Variants in WEE1 observed in about 807,000 individuals in gnomAD.
The protein encoded by WEE1 is WEE1 G2 checkpoint kinase, also known as wee1-like protein kinase.
A neutral mutation model predicts 68.8 loss-of-function variants in WEE1; 16 were observed. The observed-to-expected ratio is 0.23, with a 90% CI of 0.16 to 0.35. The LOEUF (loss-of-function observed/expected upper bound fraction) is 0.35. Ranked by LOEUF, WEE1 falls within the 10% of genes least tolerant of loss-of-function variation. The pLI is 1.00. For missense variants in WEE1, 651 were observed against 824.1 expected, an observed-to-expected ratio of 0.79 and a Z score of 2.57; for synonymous variants, 349 against 318.7, an observed-to-expected ratio of 1.09 and a Z score of -1.01.
chr11:9,580,574 C>T (rs916760280), intron 5 of WEE1: 30 of 150,830 alleles, frequency 2.0e-4, no homozygotes, highest in African/African-American at 7.3e-4. Context: ...AGCAATTCTC[C>T]TGCCTTCTGA....
intron 10 of WEE1, among the ~76,000 whole-genome samples, chr11:9,587,886 A>G (rs183705475): frequency 6.6e-6 from 1 of 152,308 alleles, no homozygotes; most frequent in African/African-American, 2.4e-5. Context: ...GTTCATACAA[A>G]TAGGAAATAA....
intron 6 of WEE1, among the ~76,000 whole-genome samples, chr11:9,582,296 T>C (rs1849636995): frequency 6.6e-6 from 1 of 152,242 alleles, no homozygotes; most frequent in Non-Finnish European, 1.5e-5. Context: ...TATACACTTA[T>C]CTTGCAAGCT....
Position 9,574,625 on chromosome 11 carries a change from G to T in WEE1, c.576+116G>T. ...GGCCGCTCCCCCCTCGCTTTCCTGC[G>T]CCGCCCCCCAAAGTTGGCAGCCCTT... On this transcript the variant is annotated intron_variant, in intron 1 of 10. Transcript: ENST00000450114. This position sits in a 1 kb window ranked among gnomAD's most constrained non-coding sequence, Gnocchi z 4.9. 1 of 1,118,532 alleles carries T rather than the reference G, an allele frequency of 8.9e-7. No homozygotes were observed. The highest frequency in any genetic ancestry group is 1.1e-6 in the Non-Finnish European group (1 of 916,610). The allele number at this position is 1,118,532 out of a possible 1,614,324, so 69.3% of individuals were successfully genotyped here.
chr11:9,583,794 C>T (rs1336029023), intron 6 of WEE1, among the ~76,000 whole-genome samples: 3 of 27,574 alleles, frequency 1.1e-4, no homozygotes, highest in African/African-American at 4.3e-4. Flanking sequence ...CACACACACA[C>T]ACACACACAT....
rs1024644076 is a variant in WEE1 at position 9,589,664 on chromosome 11, A to G, written c.*1062A>G. The stretch of plus-strand genomic sequence containing the variant: ...AAAAAAATTGTCTGTTTGTTTTCTC[A>G]TTAATTTTGGTCTAAAACATGTTTG... On this transcript the variant is annotated 3_prime_UTR_variant, in exon 11 of 11. Transcript: ENST00000450114. 1 of 985,630 alleles carries G rather than the reference A, an allele frequency of 1.0e-6. No homozygotes were observed. The highest frequency in any genetic ancestry group is 1.2e-6 in the Non-Finnish European group (1 of 829,750). The allele number at this position is 985,630 out of a possible 1,614,324, so 61.1% of individuals were successfully genotyped here.
chr11:9,581,396 G>A, intron 5 of WEE1, 136 bp from the exon 6 acceptor site: 1 of 727,386 alleles, frequency 1.4e-6, no homozygotes, highest in Non-Finnish European at 2.2e-6. Context: ...GATTTCACAA[G>A]CAGGTTGAAG....
intron 5 of WEE1, chr11:9,577,517 T>C: frequency 2.4e-6 from 1 of 423,262 alleles, no homozygotes; most frequent in East Asian, 4.8e-5. Flanking sequence ...GACAAGACTA[T>C]GGCCTCGACA....
In WEE1 at chr11:9,574,638, G is replaced by A; in HGVS notation, c.576+129G>A. The A allele has an allele frequency of 9.0e-7, 1 of 1,116,938 alleles. No individual in the cohort carries two copies. Among genetic ancestry groups the A allele is most frequent in the Non-Finnish European group, 1.1e-6 (1 of 915,826 alleles). The allele number at this position is 1,116,938 out of a possible 1,614,324, so 69.2% of individuals were successfully genotyped here. ...TCGCTTTCCTGCGCCGCCCCCCAAA[G>A]TTGGCAGCCCTTGTGTTTGGCCCTG... On this transcript the variant is annotated intron_variant, in intron 1 of 10. Coordinates refer to ENST00000450114, the MANE Select transcript of WEE1 (RefSeq NM_003390.4). This position sits in a 1 kb window ranked among gnomAD's most constrained non-coding sequence, Gnocchi z 4.9.
chr11:9,574,312 T>G lies in WEE1; in HGVS notation c.379T>G (p.Ser127Ala). The change falls in exon 1 of 11, where the codon TCG (serine) becomes GCG (alanine). Residue 127 changes from serine (S) to alanine (A), a missense_variant. By Grantham distance (99) the Ser-to-Ala change is moderately conservative. Transcript: ENST00000450114. The surrounding 1 kb of genome is among the most constrained non-coding windows in gnomAD (Gnocchi z 4.9). ...EGFGSSSPVK[S>A]PAAPYFLGSS... The stretch of plus-strand genomic sequence containing the variant: ...CTTCGGCTCCTCGTCGCCGGTCAAG[T>G]CGCCGGCGGCCCCCTACTTCCTGGG... 1 of 1,268,910 alleles carries G rather than the reference T, an allele frequency of 7.9e-7. No individual in the cohort carries two copies. The highest frequency in any genetic ancestry group is 2.4e-4 in the Middle Eastern group (1 of 4,234). The allele number at this position is 1,268,910 out of a possible 1,614,324, so 78.6% of individuals were successfully genotyped here.
chr11:9,574,885 A>G lies in WEE1; in HGVS notation c.576+376A>G. On this transcript the variant is annotated intron_variant, in intron 1 of 10. Coordinates refer to ENST00000450114, the MANE Select transcript of WEE1 (RefSeq NM_003390.4). This position sits in a 1 kb window ranked among gnomAD's most constrained non-coding sequence, Gnocchi z 4.9. ...CCACCTGACACTCCCGAGCCATAGGATGCCTTTTAAACGCGGCGATCGGGC... is the reference window on the plus strand; with the variant it reads ...CCACCTGACACTCCCGAGCCATAGGGTGCCTTTTAAACGCGGCGATCGGGC... The G allele has an allele frequency of 1.0e-6, 1 of 986,408 alleles. No homozygotes were observed. The highest frequency in any genetic ancestry group is 1.2e-6 in the Non-Finnish European group (1 of 830,838). 61.1% of individuals were successfully genotyped at this position (986,408 alleles called of 1,614,324 possible).
rs1849739994 is a variant in WEE1, at chr11:9,589,590, T to C, written c.*988T>C. 4.1e-6 allele frequency: 4 copies of C among 985,728 alleles called. No homozygotes were observed. In the South Asian group the frequency reaches 1.9e-4, roughly 46 times the overall value. The allele number at this position is 985,728 out of a possible 1,614,324, so 61.1% of individuals were successfully genotyped here. ...ATTCCAAGTTTTTCACAAAATATATTTTATCTGTGATTAGCCATTTGACTA... is the reference window on the plus strand; with the variant it reads ...ATTCCAAGTTTTTCACAAAATATATCTTATCTGTGATTAGCCATTTGACTA... On this transcript the variant is annotated 3_prime_UTR_variant, in exon 11 of 11. Transcript: ENST00000450114.
intron 1 of WEE1, chr11:9,575,421 C>T: frequency 1.0e-6 from 1 of 996,126 alleles, no homozygotes; most frequent in South Asian, 4.3e-5. Context: ...TCAGCCTAGG[C>T]AATCTGTGTG....
chr11:9,588,983 T>C lies in WEE1; in HGVS notation c.*381T>C. 1 of 987,202 alleles carries C rather than the reference T, an allele frequency of 1.0e-6. No homozygotes were observed. 61.2% of individuals were successfully genotyped at this position (987,202 alleles called of 1,614,324 possible). A position where few individuals can be genotyped will look rare whatever the true frequency, so the allele number is the denominator to read the frequency against. On this transcript the variant is annotated 3_prime_UTR_variant, in exon 11 of 11. Coordinates refer to ENST00000450114, the MANE Select transcript of WEE1 (RefSeq NM_003390.4). Reference sequence around the variant, plus strand: ...ACCCTCCCTTTGAAAAGGGACATGCTAAAAGACTCATTACTACTCAGCCTT... The same window carrying C: ...ACCCTCCCTTTGAAAAGGGACATGCCAAAAGACTCATTACTACTCAGCCTT...
intron 5 of WEE1, chr11:9,578,363 C>A (rs1358118513): frequency 6.5e-6 from 1 of 154,506 alleles, no homozygotes; most frequent in Non-Finnish European, 1.4e-5. Flanking sequence ...GTAAAAGATC[C>A]ATTTTTCAAA....
In WEE1 at chr11:9,586,933, G is replaced by A. The variant is rs549897124; in HGVS notation, c.1787+77G>A. On this transcript the variant is annotated intron_variant, in intron 10 of 10. Transcript: ENST00000450114. ...CAAATTTTAATGAGAGATGATTTAA[G>A]CTTTCTGTCAACAAAGGATGTAGTG... 25 of 1,459,094 alleles carry A rather than the reference G, an allele frequency of 1.7e-5. No individual in the cohort carries two copies. In the South Asian group the frequency reaches 3.4e-4, roughly 20 times the overall value. 90.4% of individuals were successfully genotyped at this position (1,459,094 alleles called of 1,614,324 possible).
chr11:9,578,880 T>TG (rs1849592946), intron 5 of WEE1: 1 of 2,062 alleles, frequency 4.8e-4, no homozygotes, highest in Non-Finnish European at 8.4e-4. Context: ...AAAATAAGTT[T>TG]TTATTTATTT....
At chr11:9,578,495 A>G (rs1458754150) in intron 5 of WEE1, 2 of 152,248 alleles carry the variant, frequency 1.3e-5, no homozygotes, top group African/African-American at 4.8e-5. Context: ...TACCATCAAA[A>G]TATTTATGTA....
intron 9 of WEE1, 35 bp downstream of exon 9, chr11:9,586,654 T>C (rs762232663): frequency 1.2e-6 from 2 of 1,610,954 alleles, no homozygotes; most frequent in South Asian, 1.1e-5. Context: ...TTTATTGACA[T>C]GGTTCTATAT....
chr11:9,585,228 G>A (rs1263254006), intron 6 of WEE1, 30 bp from the exon 7 acceptor site: 4 of 1,487,934 alleles, frequency 2.7e-6, no homozygotes, highest in Non-Finnish European at 3.7e-6. Context: ...ATTATTATTA[G>A]TTTGGCTTAC....
Sources: gnomAD v4.1 joint callset for allele counts (sites outside exome capture counted in the v4.1 genomes callset) on GRCh38, gnomAD v4.1.1 for gene constraint, Gnocchi (gnomAD v3.1) non-coding constraint, MANE v1.5 for transcripts, NCBI Gene and HGNC (gene_info 2026-07-23, HGNC 2026-07-21) for gene names.